The following SEL1L variants were observed in gnomAD, a reference collection of about 807,000 sequenced individuals.
SEL1L encodes the protein SEL1L adaptor subunit of SYVN1 ubiquitin ligase, also known as protein sel-1 homolog 1.
A neutral mutation model predicts 109.8 loss-of-function variants in SEL1L; 52 were observed. That is an observed-to-expected ratio of 0.47 (90% CI 0.38 to 0.60). The LOEUF (loss-of-function observed/expected upper bound fraction) is 0.60, where lower values mean the gene tolerates loss of function less well. Ranked by LOEUF, SEL1L falls within the 20% of genes least tolerant of loss-of-function variation. The pLI is 0.00. For synonymous variants in SEL1L, 373 were observed against 339.6 expected (o/e 1.10, Z -1.08); for missense variants, 749 against 962.2 (o/e 0.78, Z 2.93).
At chr14:81,484,143 G>T in intron 19 of SEL1L, 82 bp downstream of exon 19, 1 of 1,414,950 alleles carries the variant, frequency 7.1e-7, no homozygotes, top group South Asian at 1.3e-5. Flanking sequence ...GAATGTCAAG[G>T]AAAGTCTATT....
chr14:81,532,069 T>C (rs992915010), intron 1 of SEL1L, among the ~76,000 whole-genome samples: 1 of 152,228 alleles, frequency 6.6e-6, no homozygotes, highest in Non-Finnish European at 1.5e-5. Flanking sequence ...AAGTCTTTTA[T>C]TACAACATCC....
chr14:81,480,042 G>A (rs1903298313), intron 19 of SEL1L, among the ~76,000 whole-genome samples: 1 of 152,086 alleles, frequency 6.6e-6, no homozygotes, highest in South Asian at 2.1e-4. Context: ...AGATTTCCAA[G>A]GGCGACTTCT....
At chr14:81,532,715 G>GT in intron 1 of SEL1L, among the ~76,000 whole-genome samples, 1 of 152,038 alleles carries the variant, frequency 6.6e-6, no homozygotes, top group South Asian at 2.1e-4. Context: ...GAAATTTTCT[G>GT]TTAAAAAAAA....
chr14:81,480,459 C>G (rs994671575), intron 19 of SEL1L, among the ~76,000 whole-genome samples: 1 of 152,132 alleles, frequency 6.6e-6, no homozygotes, highest in Non-Finnish European at 1.5e-5. Context: ...AAAGTGGGCT[C>G]ATTCTTATAA....
chr14:81,521,039 T>C (rs917030102), intron 3 of SEL1L, among the ~76,000 whole-genome samples: 1 of 152,210 alleles, frequency 6.6e-6, no homozygotes, highest in Admixed American at 6.5e-5. Context: ...GATAATTTTA[T>C]CTTTGAAAAT....
chr14:81,489,267 C>G lies in SEL1L; in HGVS notation c.1380G>C (p.Gly460=). ...QSGLGMAYLY[G]RGVQVNYDLA... ...GAACACTTACAACTTGAACTCCTCT[C>G]CCATAGAGGTAGGCCATTCCAAGCC... The change falls in exon 14 of 21, where the codon GGG becomes GGC. Residue 460 remains glycine (G), a synonymous_variant. Transcript: ENST00000336735. 1 of 1,614,074 alleles carries G rather than the reference C, an allele frequency of 6.2e-7. No individual in the cohort carries two copies. The highest frequency in any genetic ancestry group is 8.5e-7 in the Non-Finnish European group (1 of 1,179,920).
intron 19 of SEL1L, among the ~76,000 whole-genome samples, chr14:81,483,337 G>T (rs533695897): frequency 8.7e-4 from 133 of 152,246 alleles, no homozygotes; most frequent in Non-Finnish European, 1.2e-3. Context: ...GATCAACAAT[G>T]CATTAACTGA....
At chr14:81,498,210 T>C (rs1278834070) in intron 9 of SEL1L, 164 bp from the exon 10 acceptor site, 4 of 856,340 alleles carry the variant, frequency 4.7e-6, no homozygotes, top group African/African-American at 3.4e-5. Context: ...TATTAATAAA[T>C]TGAACTTTTT....
Position 81,502,850 on chromosome 14 carries a change from C to T in SEL1L, c.648G>A (p.Met216Ile). Residue 216 changes from methionine to isoleucine, a missense_variant, in exon 6 of 21, where the codon ATG becomes ATA. Transcript: ENST00000336735. The part of the protein sequence containing the change: ...AYRYLQKAAS[M>I]NHTKALERVS... Reference sequence around the variant, plus strand: ...CTCTCTCCAGGGCTTTGGTATGGTTCATGCTTGCTGCCTTTTGGAGATACC... The same window carrying T: ...CTCTCTCCAGGGCTTTGGTATGGTTTATGCTTGCTGCCTTTTGGAGATACC... 1.2e-6 allele frequency: 2 copies of T among 1,613,912 alleles called. No homozygotes were observed. Among genetic ancestry groups the T allele is most frequent in the African/African-American group, 1.3e-5 (1 of 75,052 alleles).
chr14:81,511,630 T>C (rs1382935971), intron 3 of SEL1L, among the ~76,000 whole-genome samples: 1 of 152,242 alleles, frequency 6.6e-6, no homozygotes, highest in Non-Finnish European at 1.5e-5. Flanking sequence ...TGCAGGCAAC[T>C]GCCTATTCTT....
At chr14:81,517,861 T>A (rs1458843496) in intron 3 of SEL1L, among the ~76,000 whole-genome samples, 1 of 152,124 alleles carries the variant, frequency 6.6e-6, no homozygotes, top group Non-Finnish European at 1.5e-5. Flanking sequence ...TCTTTTGAGT[T>A]TTGGAAACAG....
chr14:81,487,993 CAA>C, intron 14 of SEL1L, 51 bp from the exon 15 acceptor site: 1 of 1,361,486 alleles, frequency 7.3e-7, no homozygotes, highest in Non-Finnish European at 1.0e-6. Context: ...CAGACATACT[CAA>C]AAGTTAAGAG....
intron 8 of SEL1L, chr14:81,499,073 T>C: frequency 1.1e-6 from 1 of 895,798 alleles, no homozygotes; most frequent in Non-Finnish European, 1.3e-6. Context: ...GTATAATATT[T>C]CATGTTGTTT....
chr14:81,479,652 A>C lies in SEL1L; in HGVS notation c.2135T>G (p.Leu712Trp). The C allele has an allele frequency of 3.7e-6, 6 of 1,613,812 alleles. No individual in the cohort carries two copies. Among genetic ancestry groups the C allele is most frequent in the Non-Finnish European group, 5.1e-6 (6 of 1,179,884 alleles). ...GTACTGCAAGAAATAGACGACGCCC[A>C]ATTTGCAGAGGGCTAGGAAGACTGG... ...QVPVFLALCK[L>W]GVVYFLQYIR... Residue 712 changes from leucine to tryptophan, a missense_variant, in exon 20 of 21, where the codon TTG becomes TGG. Leu to Trp is a moderately conservative substitution (Grantham distance 61, BLOSUM62 -2). This residue lies in a region of SEL1L where 383 missense variants were observed against 562.5 expected (regional missense o/e 0.68). Coordinates refer to ENST00000336735, the MANE Select transcript of SEL1L (RefSeq NM_005065.6).
intron 3 of SEL1L, among the ~76,000 whole-genome samples, chr14:81,514,923 T>G (rs1884639887): frequency 6.6e-6 from 1 of 152,162 alleles, no homozygotes; most frequent in Non-Finnish European, 1.5e-5. Flanking sequence ...AGCTTGACCT[T>G]TTCTGTAAGA....
Position 81,533,795 on chromosome 14 carries a change from CCA to C in SEL1L, c.-53_-52del. The C allele has an allele frequency of 6.4e-7, 1 of 1,557,718 alleles. No homozygotes were observed. Among genetic ancestry groups the C allele is most frequent in the Non-Finnish European group, 8.8e-7 (1 of 1,138,438 alleles). On this transcript the variant is annotated 5_prime_UTR_variant, in exon 1 of 21. Transcript: ENST00000336735. ...CCTAGAGCTGTCGCCTTCGCCTCTG[CCA>C]CCACGGACTCAGCCACCACCGCCGC... is the stretch of plus-strand genomic sequence containing the variant.
rs758543546 is a variant in SEL1L, at chr14:81,498,041, T to C, written c.979A>G (p.Ser327Gly). Residue 327 changes from serine to glycine, a missense_variant, in exon 10 of 21, where the codon AGT becomes GGT. Transcript: ENST00000336735. Reference sequence around the variant, plus strand: ...GAGCCTCCTGTTAGCGAGATATCACTAGCAACTGAAATAGAGGGATAAAAC... The same window carrying C: ...GAGCCTCCTGTTAGCGAGATATCACCAGCAACTGAAATAGAGGGATAAAAC... ...HYRLVANHVASDISLTGGSVV... is the reference protein window; with the variant it reads ...HYRLVANHVAGDISLTGGSVV... 4 of 1,612,158 alleles carry C rather than the reference T, an allele frequency of 2.5e-6. No homozygotes were observed. The highest frequency in any genetic ancestry group is 2.2e-5 in the South Asian group (2 of 90,614).
intron 1 of SEL1L, among the ~76,000 whole-genome samples, chr14:81,530,317 C>G (rs757911802): frequency 6.6e-6 from 1 of 152,248 alleles, no homozygotes; most frequent in Middle Eastern, 3.4e-3. Context: ...AGGTCTGGAA[C>G]CTGGCTTCAT....
At chr14:81,501,509 T>C (rs1243026715) in intron 6 of SEL1L, among the ~76,000 whole-genome samples, 1 of 152,196 alleles carries the variant, frequency 6.6e-6, no homozygotes, top group Non-Finnish European at 1.5e-5. Flanking sequence ...AATTAAGATA[T>C]AATCTGCTTA....
Sources: allele counts gnomAD v4.1 joint callset (sites outside exome capture counted in the v4.1 genomes callset), GRCh38; gene constraint gnomAD v4.1.1; regional missense constraint gnomAD v4.1.1; transcripts MANE v1.5; gene names NCBI Gene and HGNC (gene_info 2026-07-23, HGNC 2026-07-21).